RNF166: variants seen among roughly 807,000 people sequenced by gnomAD.
RNF166 encodes the protein E3 ubiquitin-protein ligase RNF166.
A neutral mutation model predicts 29.4 loss-of-function variants in RNF166; 19 were observed. That is an observed-to-expected ratio of 0.65 (90% CI 0.45 to 0.95). The LOEUF is 0.95. Ranked by LOEUF, RNF166 falls within the 40% of genes least tolerant of loss-of-function variation. RNF166 has a pLI of 0.00. For synonymous variants in RNF166, 171 were observed against 134.5 expected, an observed-to-expected ratio of 1.27 and a Z score of -1.88; for missense variants, 347 against 322.1, an observed-to-expected ratio of 1.08 and a Z score of -0.59.
At chr16:88,705,880 C>T (rs1910741346) in intron 1 of RNF166, among the ~76,000 whole-genome samples, 2 of 152,176 alleles carry the variant, frequency 1.3e-5, no homozygotes, top group South Asian at 2.1e-4. Context: ...CCGCCGCAGC[C>T]GCCGGGGACC....
At position 88,706,281 on chromosome 16, in the gene RNF166, C is replaced by T. The variant is rs1226104655; in HGVS notation, c.45G>A (p.Gln15=). 1.5e-6 allele frequency: 2 copies of T among 1,295,506 alleles called. No homozygotes were observed. Among genetic ancestry groups the T allele is most frequent in the East Asian group, 3.5e-5 (1 of 28,908 alleles). The allele number at this position is 1,295,506 out of a possible 1,614,324, so 80.3% of individuals were successfully genotyped here. A position where few individuals can be genotyped will look rare whatever the true frequency, so the allele number is the denominator to read the frequency against. The part of the protein sequence containing the change: ...RSLVASAQQR[Q]PPAGPAGGDS... ...CGCCGCCCGCCGGCCCGGCCGGCGG[C>T]TGCCGCTGCTGAGCCGAGGCCACCA... Residue 15 remains glutamine (Q), a synonymous_variant, in exon 1 of 6, where the codon CAG becomes CAA. Coordinates refer to ENST00000312838, the MANE Select transcript of RNF166 (RefSeq NM_178841.4).
At chr16:88,703,092 A>C (rs1261682944) in intron 1 of RNF166, 1 of 985,454 alleles carries the variant, frequency 1.0e-6, no homozygotes, top group Non-Finnish European at 1.2e-6. Context: ...AGTGCAGGGC[A>C]GACAGCAAGC....
intron 1 of RNF166, chr16:88,703,755 C>T (rs756275247): frequency 1.3e-4 from 127 of 985,360 alleles, no homozygotes; most frequent in Non-Finnish European, 1.5e-4. Context: ...GGGGCGATCG[C>T]GCACTGGCCC....
In RNF166 at chr16:88,706,404, G is replaced by T. The variant is rs550852226; in HGVS notation, c.-79C>A. ...CGCTAGTCACAGCCGCTACTGCGCC[G>T]CGCTGACGTCATCGTAGGGCGCCGC... On this transcript the variant is annotated 5_prime_UTR_variant, in exon 1 of 6. Transcript: ENST00000312838. 2 of 1,232,054 alleles carry T rather than the reference G, an allele frequency of 1.6e-6. No individual in the cohort carries two copies. The highest frequency in any genetic ancestry group is 3.2e-5 in the African/African-American group (2 of 63,104). The allele number at this position is 1,232,054 out of a possible 1,614,324, so 76.3% of individuals were successfully genotyped here. A position where few individuals can be genotyped will look rare whatever the true frequency, so the allele number is the denominator to read the frequency against.
chr16:88,705,358 C>G (rs967583673), intron 1 of RNF166, among the ~76,000 whole-genome samples: 1 of 152,198 alleles, frequency 6.6e-6, no homozygotes, highest in Non-Finnish European at 1.5e-5. Flanking sequence ...CCCTCCTGCT[C>G]TCTCTCTCCC....
chr16:88,703,179 GGGT>G, intron 1 of RNF166: 1 of 982,008 alleles, frequency 1.0e-6, no homozygotes, highest in East Asian at 1.1e-4. Context: ...GAAAGCAGAC[GGGT>G]GGGTGCCAGG....
intron 4 of RNF166, 44 bp from the exon 5 acceptor site, chr16:88,698,653 G>A (rs1567634888): frequency 7.0e-7 from 1 of 1,421,126 alleles, no homozygotes. Context: ...CCGCGGAGAG[G>A]CGGGGTAGCC....
intron 3 of RNF166, 72 bp downstream of exon 3, chr16:88,699,548 G>A (rs1461573484): frequency 5.8e-6 from 7 of 1,201,130 alleles, no homozygotes; most frequent in African/African-American, 4.5e-5. Context: ...CTGGGATGGG[G>A]CACTGCGCTT....
chr16:88,701,128 T>C, intron 2 of RNF166, 134 bp downstream of exon 2: 1 of 1,297,134 alleles, frequency 7.7e-7, no homozygotes, highest in Non-Finnish European at 1.1e-6. Context: ...GCTGGCTTCC[T>C]GGTGCAGGAG....
chr16:88,705,638 T>C (rs6500489), intron 1 of RNF166, among the ~76,000 whole-genome samples: 141,028 of 152,322 alleles, frequency 0.93, 65,352 homozygotes, highest in East Asian at 0.98. Context: ...TCGGTGTGAC[T>C]CAAGTTCTCC....
chr16:88,701,458 G>T, intron 1 of RNF166, 40 bp from the exon 2 acceptor site: 1 of 1,510,646 alleles, frequency 6.6e-7, no homozygotes, highest in Non-Finnish European at 8.8e-7. Flanking sequence ...CCGCCCCTCG[G>T]GTCTCCCGAA....
At chr16:88,704,096 C>G in intron 1 of RNF166, 1 of 984,050 alleles carries the variant, frequency 1.0e-6, no homozygotes, top group Non-Finnish European at 1.2e-6. Flanking sequence ...CTGGGATACT[C>G]TTGCCATGAG....
chr16:88,703,442 G>A, intron 1 of RNF166: 2 of 985,484 alleles, frequency 2.0e-6, no homozygotes, highest in South Asian at 9.4e-5. Context: ...GAGGAAGACA[G>A]CCTCGTCCTC....
chr16:88,705,862 C>T (rs1202594673), intron 1 of RNF166, among the ~76,000 whole-genome samples: 1 of 152,200 alleles, frequency 6.6e-6, no homozygotes, highest in Admixed American at 6.5e-5. Flanking sequence ...CTCTGAGTAC[C>T]GGAGCGCCCG....
At chr16:88,703,517 A>G (rs1910478200) in intron 1 of RNF166, 1 of 985,264 alleles carries the variant, frequency 1.0e-6, no homozygotes, top group African/African-American at 1.7e-5. Flanking sequence ...GCTGGGCCCG[A>G]GGAGCAGGAG....
intron 1 of RNF166, among the ~76,000 whole-genome samples, chr16:88,702,565 C>T (rs1910357600): frequency 6.6e-6 from 1 of 152,190 alleles, no homozygotes; most frequent in Admixed American, 6.5e-5. Context: ...CTGAGGGCCT[C>T]AGGCAAAGGT....
chr16:88,706,154 T>A lies in RNF166; in HGVS notation c.155+17A>T, dbSNP rs1910778259. 8.5e-7 allele frequency: 1 copy of A among 1,178,104 alleles called. No homozygotes were observed. The highest frequency in any genetic ancestry group is 1.0e-6 in the Non-Finnish European group (1 of 957,526). The allele number at this position is 1,178,104 out of a possible 1,614,324, so 73.0% of individuals were successfully genotyped here. ...GGCACGGCCCCCTCCCCGCGGCCCCTGGGCGGGCGCGCTCACGTGTGGCCG... is the reference window on the plus strand; with the variant it reads ...GGCACGGCCCCCTCCCCGCGGCCCCAGGGCGGGCGCGCTCACGTGTGGCCG... On this transcript the variant is annotated intron_variant, in intron 1 of 5. Coordinates refer to ENST00000312838, the MANE Select transcript of RNF166 (RefSeq NM_178841.4).
intron 5 of RNF166, chr16:88,698,290 G>A (rs1002058620): frequency 1.4e-6 from 1 of 701,950 alleles, no homozygotes; most frequent in African/African-American, 1.7e-5. Context: ...GAGAGGCCTG[G>A]GCACCCTCTA....
chr16:88,704,763 G>C (rs1395653794), intron 1 of RNF166, among the ~76,000 whole-genome samples: 1 of 152,216 alleles, frequency 6.6e-6, no homozygotes, highest in Non-Finnish European at 1.5e-5. Context: ...GCTGAGACGG[G>C]CAGGTCACCG....
Sources: allele counts gnomAD v4.1 joint callset (sites outside exome capture counted in the v4.1 genomes callset), GRCh38; gene constraint gnomAD v4.1.1; transcripts MANE v1.5; gene names NCBI Gene and HGNC (gene_info 2026-07-23, HGNC 2026-07-21).